The following TENM2 variants were observed in gnomAD, a reference collection of about 807,000 sequenced individuals.
TENM2 encodes the protein teneurin-2.
In TENM2, 52 loss-of-function variants were observed where a neutral mutation model predicts 245.2. That is an observed-to-expected ratio of 0.21 (90% confidence interval 0.17 to 0.27). TENM2 has a LOEUF of 0.27. Among genes scored for constraint, TENM2 ranks in the 10% least tolerant of loss-of-function variants. The pLI is 1.00. For missense variants in TENM2, 3,046 were observed against 3,666.8 expected (o/e 0.83, Z 4.37); for synonymous variants, 1,363 against 1,438.9 (o/e 0.95, Z 1.19).
chr5:167,925,088 T>C (rs894041488), intron 3 of TENM2, among the ~76,000 whole-genome samples: 2 of 152,160 alleles, frequency 1.3e-5, no homozygotes, highest in Non-Finnish European at 2.9e-5. Context: ...TCATGGCAGG[T>C]TTGCTTCTCA....
chr5:167,918,319 C>T (rs1777100718), intron 3 of TENM2, among the ~76,000 whole-genome samples: 1 of 152,144 alleles, frequency 6.6e-6, no homozygotes, highest in African/African-American at 2.4e-5. Flanking sequence ...TTCCCTGGGG[C>T]CCACTGCATC....
chr5:167,463,232 C>T lies in TENM2; in HGVS notation c.502+87759C>T, dbSNP rs147556457. Reference sequence around the variant, plus strand: ...TCAGTGTCATAAATTGCCAATATAACCATGTATGAATGACTACTGATAATA... The same window carrying T: ...TCAGTGTCATAAATTGCCAATATAATCATGTATGAATGACTACTGATAATA... On this transcript the variant is annotated intron_variant, in intron 2 of 28. Coordinates refer to ENST00000518659, the Ensembl canonical transcript of TENM2. 4.0e-3 allele frequency among the ~76,000 whole-genome samples: 604 copies of T among 152,128 alleles called. 3 individuals are homozygous for T. Among genetic ancestry groups the T allele is most frequent in the Non-Finnish European group, 7.2e-3 (488 of 68,006 alleles).
chr5:167,577,423 G>T, intron 2 of TENM2, among the ~76,000 whole-genome samples: 1 of 152,094 alleles, frequency 6.6e-6, no homozygotes, highest in East Asian at 1.9e-4. Context: ...GGTGTGAAAT[G>T]CTCCATAGGA....
At chr5:167,281,456 G>A (rs1001360960), upstream of TENM2, among the ~76,000 whole-genome samples, 1 of 151,998 alleles carries the variant, frequency 6.6e-6, no homozygotes, top group African/African-American at 2.4e-5. Flanking sequence ...AATACAAAAT[G>A]TCTATTTGCC....
At chr5:167,474,961 A>C in intron 2 of TENM2, among the ~76,000 whole-genome samples, 1 of 152,182 alleles carries the variant, frequency 6.6e-6, no homozygotes, top group East Asian at 1.9e-4. Context: ...GAACCACCAA[A>C]AGTTTGCAAA....
At chr5:167,223,119 A>G in the TENM2 span, among the ~76,000 whole-genome samples, 6 of 152,130 alleles carry the variant, frequency 3.9e-5, no homozygotes, top group African/African-American at 1.4e-4. Flanking sequence ...ATGTGTAATG[A>G]TCAAGCCCAT....
intron 2 of TENM2, among the ~76,000 whole-genome samples, chr5:167,671,040 G>A (rs938280401): frequency 1.1e-4 from 16 of 152,026 alleles, no homozygotes; most frequent in African/African-American, 3.1e-4. Flanking sequence ...CAATAAATGT[G>A]TAATCTTGTG....
At chr5:166,998,366 C>T in the TENM2 span, among the ~76,000 whole-genome samples, 1 of 152,098 alleles carries the variant, frequency 6.6e-6, no homozygotes, top group Admixed American at 6.5e-5. Flanking sequence ...CATAGGAATG[C>T]CATGATTGTA....
the TENM2 span, among the ~76,000 whole-genome samples, chr5:167,073,070 C>A: frequency 1.3e-5 from 2 of 152,198 alleles, no homozygotes; most frequent in Non-Finnish European, 1.5e-5. Flanking sequence ...CCATATTTTA[C>A]ATTCCTCTAT....
chr5:167,664,271 G>T (rs1481485694), intron 2 of TENM2, among the ~76,000 whole-genome samples: 1 of 152,154 alleles, frequency 6.6e-6, no homozygotes, highest in Admixed American at 6.5e-5. Flanking sequence ...ATAGGCCTGC[G>T]ATTATGTATT....
chr5:167,041,379 AAGCAGAG>A, the TENM2 span, among the ~76,000 whole-genome samples: 2 of 152,156 alleles, frequency 1.3e-5, no homozygotes, highest in Non-Finnish European at 2.9e-5. Flanking sequence ...ATGCTTAGAG[AAGCAGAG>A]TTCCTGAAAC....
chr5:168,087,275 C>T (rs1792536139), intron 7 of TENM2: 1 of 152,306 alleles, frequency 6.6e-6, no homozygotes, highest in South Asian at 2.1e-4. Context: ...ACAGAAGATG[C>T]TACCATCTTT....
intron 2 of TENM2, among the ~76,000 whole-genome samples, chr5:167,555,448 T>C (rs1349413023): frequency 8.0e-6 from 1 of 125,042 alleles, no homozygotes; most frequent in East Asian, 2.7e-4. Flanking sequence ...TACCCTACTG[T>C]CCGTTAAACC....
chr5:167,225,139 A>G, the TENM2 span, among the ~76,000 whole-genome samples: 1 of 152,074 alleles, frequency 6.6e-6, no homozygotes, highest in South Asian at 2.1e-4. Context: ...AGATTGGGTC[A>G]TCTGTAAAGA....
In TENM2 at chr5:167,897,644, C is replaced by T. The variant is rs551143540; in HGVS notation, c.712+21449C>T. ...CTAAATGAAATGAAGGAAGAGAAAC[C>T]GCATTTTTCCCAGTAATGGGATATT... On this transcript the variant is annotated intron_variant, in intron 3 of 28. Coordinates refer to ENST00000518659, the Ensembl canonical transcript of TENM2. 4.6e-5 allele frequency among the ~76,000 whole-genome samples: 7 copies of T among 152,230 alleles called. No individual in the cohort carries two copies. The South Asian group carries it at 1.2e-3, about 27-fold the overall frequency.
chr5:167,006,024 A>G, the TENM2 span, among the ~76,000 whole-genome samples: 1 of 152,090 alleles, frequency 6.6e-6, no homozygotes, highest in Non-Finnish European at 1.5e-5. Flanking sequence ...AGGAGGTAGG[A>G]CATGGTAGGA....
At chr5:167,976,029 C>T (rs186248644) in intron 4 of TENM2, among the ~76,000 whole-genome samples, 22 of 152,142 alleles carry the variant, frequency 1.4e-4, no homozygotes, top group Non-Finnish European at 2.8e-4. Context: ...TACAAGAATT[C>T]GGATAAATCA....
intron 1 of TENM2, among the ~76,000 whole-genome samples, chr5:167,290,785 A>G (rs1754587863): frequency 6.6e-6 from 1 of 151,482 alleles, no homozygotes; most frequent in Non-Finnish European, 1.5e-5. Context: ...AAAAAAAAAT[A>G]GATTGGAAAA....
intron 17 of TENM2, among the ~76,000 whole-genome samples, chr5:168,201,321 GAT>G (rs942691576): frequency 6.6e-6 from 1 of 151,288 alleles, no homozygotes; most frequent in African/African-American, 2.4e-5. Flanking sequence ...CATATATACA[GAT>G]ATATATATGT....
Sources: gnomAD v4.1 joint callset for allele counts (sites outside exome capture counted in the v4.1 genomes callset) on GRCh38, gnomAD v4.1.1 for gene constraint, MANE v1.5 for transcripts, NCBI Gene and HGNC (gene_info 2026-07-23, HGNC 2026-07-21) for gene names.